The following DMRTB1 variants were observed in gnomAD, a reference collection of about 807,000 sequenced individuals.
DMRTB1 encodes doublesex- and mab-3-related transcription factor B1.
In DMRTB1, 9 loss-of-function variants were observed where a neutral mutation model predicts 25.2. The observed-to-expected ratio is 0.36, with a 90% CI of 0.22 to 0.62. DMRTB1 has a LOEUF of 0.62. Ranked by LOEUF, DMRTB1 falls within the 20% of genes least tolerant of loss-of-function variation. The probability of loss-of-function intolerance (pLI) is 0.71; values close to 1 mark genes in which losing one functional copy is unlikely to be tolerated. For synonymous variants in DMRTB1, 269 were observed against 238.1 expected, an observed-to-expected ratio of 1.13 and a Z score of -1.20; for missense variants, 551 against 499.3, an observed-to-expected ratio of 1.10 and a Z score of -0.99.
At chr1:53,462,789 T>C (rs1050053727) in intron 2 of DMRTB1, among the ~76,000 whole-genome samples, 5 of 152,114 alleles carry the variant, frequency 3.3e-5, no homozygotes, top group African/African-American at 1.2e-4. Context: ...CCACTGCCCT[T>C]CCCTCCCTCC....
Position 53,459,527 on chromosome 1 carries a change from G to T in DMRTB1, c.74G>T (p.Gly25Val). Reference sequence around the variant, plus strand: ...CATGGCTTCCTGGTGCCCGTCAAGGGACACGCGGGCAAATGCCGCTGGAAG... The same window carrying T: ...CATGGCTTCCTGGTGCCCGTCAAGGTACACGCGGGCAAATGCCGCTGGAAG... ...RNHGFLVPVK[G>V]HAGKCRWKQC... Residue 25 changes from glycine to valine, a missense_variant, in exon 1 of 4, where the codon GGA (glycine) becomes GTA (valine). Physicochemically the swap from Gly to Val is moderately radical, Grantham distance 109 (BLOSUM62 -3). Coordinates refer to ENST00000371445, the MANE Select transcript of DMRTB1 (RefSeq NM_033067.3). 1 of 1,613,136 alleles carries T rather than the reference G, an allele frequency of 6.2e-7. No homozygotes were observed. Among genetic ancestry groups the T allele is most frequent in the Non-Finnish European group, 8.5e-7 (1 of 1,179,976 alleles).
At chr1:53,462,120 C>A (rs947232764) in intron 2 of DMRTB1, among the ~76,000 whole-genome samples, 1 of 152,290 alleles carries the variant, frequency 6.6e-6, no homozygotes. Context: ...AATACGGAAA[C>A]CTTCCCCCAA....
intron 2 of DMRTB1, 148 bp from the exon 3 acceptor site, chr1:53,464,489 C>A: frequency 8.0e-7 from 1 of 1,249,148 alleles, no homozygotes; most frequent in South Asian, 1.2e-5. Context: ...TGCTGAATGC[C>A]CCCTTCCAAA....
chr1:53,463,753 T>C (rs1199741203), intron 2 of DMRTB1, among the ~76,000 whole-genome samples: 1 of 152,152 alleles, frequency 6.6e-6, no homozygotes, highest in African/African-American at 2.4e-5. Context: ...AAAAATACTT[T>C]GTAGGACACC....
chr1:53,464,951 G>A, intron 3 of DMRTB1, 104 bp downstream of exon 3: 1 of 1,485,336 alleles, frequency 6.7e-7, no homozygotes, highest in Admixed American at 1.7e-5. Flanking sequence ...GAAGGGACAT[G>A]GAATTTAAAG....
At position 53,459,620 on chromosome 1, in the gene DMRTB1, T is replaced by G. The variant is rs768540318; in HGVS notation, c.167T>G (p.Leu56Arg). The G allele has an allele frequency of 1.0e-5, 16 of 1,576,446 alleles. No individual in the cohort carries two copies. The highest frequency in any genetic ancestry group is 1.4e-5 in the Non-Finnish European group (16 of 1,161,772). The change falls in exon 1 of 4, where the codon CTC becomes CGC. Residue 56 changes from leucine to arginine, a missense_variant. By Grantham distance (102) the Leu-to-Arg change is moderately radical (BLOSUM62 -2). Transcript: ENST00000371445. ...AAGATCATGGCCGCGCAGAAGGTGC[T>G]CAAGACGCAGGCCGCCGAGGAGGAG... ...RQKIMAAQKV[L>R]KTQAAEEEQE... is the part of the protein sequence containing the mutation.
At position 53,459,591 on chromosome 1, in the gene DMRTB1, C is replaced by G; in HGVS notation, c.138C>G (p.Arg46=). 6.2e-7 allele frequency: 1 copy of G among 1,600,256 alleles called. No individual in the cohort carries two copies. Among genetic ancestry groups the G allele is most frequent in the Non-Finnish European group, 8.5e-7 (1 of 1,173,768 alleles). ...LCEKCYLISE[R]QKIMAAQKVL... is the part of the protein sequence containing the mutation. ...AGAAGTGCTACCTGATCTCCGAGCG[C>G]CAGAAGATCATGGCCGCGCAGAAGG... Residue 46 remains arginine (R), a synonymous_variant, in exon 1 of 4, where the codon CGC becomes CGG. Coordinates refer to ENST00000371445, the MANE Select transcript of DMRTB1 (RefSeq NM_033067.3).
Position 53,459,807 on chromosome 1 carries a change from C to T in DMRTB1, c.354C>T (p.Cys118=), listed in dbSNP as rs1400262935. ...GACCCGAGGGCCGCGCGGCCGCTTG[C>T]TTCTTCGAGCAGCCCCCGCGGGGCC... The part of the protein sequence containing the change: ...DPGPEGRAAA[C]FFEQPPRGRN... The change falls in exon 1 of 4, where the codon TGC becomes TGT. Residue 118 remains cysteine (C), a synonymous_variant. Transcript: ENST00000371445. 4 of 1,430,838 alleles carry T rather than the reference C, an allele frequency of 2.8e-6. No individual in the cohort carries two copies. In the African/African-American group the frequency reaches 6.1e-5, roughly 22 times the overall value. 88.6% of individuals were successfully genotyped at this position (1,430,838 alleles called of 1,614,324 possible). A position where few individuals can be genotyped will look rare whatever the true frequency, so the allele number is the denominator to read the frequency against.
intron 1 of DMRTB1, 85 bp downstream of exon 1, chr1:53,460,115 G>C (rs1318786669): frequency 2.5e-5 from 35 of 1,422,198 alleles, no homozygotes; most frequent in Non-Finnish European, 2.9e-5. Context: ...TAGGGGTTCG[G>C]GGTGGAGAGA....
Position 53,459,790 on chromosome 1 carries a change from G to C in DMRTB1, c.337G>C (p.Gly113Arg). ...PSGDADPGPE[G>R]RAAACFFEQP... ...CGGAGACGCCGACCCGGGACCCGAG[G>C]GCCGCGCGGCCGCTTGCTTCTTCGA... Residue 113 changes from glycine (G) to arginine (R), a missense_variant, in exon 1 of 4, where the codon GGC becomes CGC. Transcript: ENST00000371445. The C allele has an allele frequency of 1.4e-6, 2 of 1,402,148 alleles. No individual in the cohort carries two copies. Among genetic ancestry groups the C allele is most frequent in the Non-Finnish European group, 1.8e-6 (2 of 1,082,392 alleles). The allele number at this position is 1,402,148 out of a possible 1,614,324, so 86.9% of individuals were successfully genotyped here. A position where few individuals can be genotyped will look rare whatever the true frequency, so the allele number is the denominator to read the frequency against.
Position 53,466,905 on chromosome 1 carries a change from G to A in DMRTB1, c.*243G>A, listed in dbSNP as rs771763316. 8.5e-5 allele frequency: 44 copies of A among 517,356 alleles called. No individual in the cohort carries two copies. Among genetic ancestry groups the A allele is most frequent in the Non-Finnish European group, 1.4e-4 (40 of 294,892 alleles). 32.0% of individuals were successfully genotyped at this position (517,356 alleles called of 1,614,324 possible). A position where few individuals can be genotyped will look rare whatever the true frequency, so the allele number is the denominator to read the frequency against. ...AGGGCCAGGGCTCTGAGGAGTGGGC[G>A]CTGGGAGAAGCTCCCATTTAGGAAT... On this transcript the variant is annotated 3_prime_UTR_variant, in exon 4 of 4. Coordinates refer to ENST00000371445, the MANE Select transcript of DMRTB1 (RefSeq NM_033067.3).
intron 2 of DMRTB1, among the ~76,000 whole-genome samples, chr1:53,463,820 G>A (rs552092229): frequency 1.3e-5 from 2 of 152,334 alleles, no homozygotes; most frequent in East Asian, 3.9e-4. Flanking sequence ...GGATAGAGAA[G>A]TGAATGACAG....
chr1:53,464,964 T>C (rs1030267116), intron 3 of DMRTB1, 117 bp downstream of exon 3: 12 of 1,408,696 alleles, frequency 8.5e-6, no homozygotes, highest in Admixed American at 1.7e-5. Flanking sequence ...ATTTAAAGGG[T>C]GTTGAGCCCT....
chr1:53,463,026 A>T (rs1296641224), intron 2 of DMRTB1, among the ~76,000 whole-genome samples: 2 of 152,218 alleles, frequency 1.3e-5, no homozygotes, highest in Admixed American at 6.5e-5. Context: ...TAAGAGTGTG[A>T]TCTCAGTCGG....
Position 53,461,662 on chromosome 1 carries a change from A to G in DMRTB1, c.750+17A>G. The G allele has an allele frequency of 6.5e-7, 1 of 1,529,516 alleles. No homozygotes were observed. The highest frequency in any genetic ancestry group is 8.8e-7 in the Non-Finnish European group (1 of 1,138,296). The allele number at this position is 1,529,516 out of a possible 1,614,324, so 94.7% of individuals were successfully genotyped here. A position where few individuals can be genotyped will look rare whatever the true frequency, so the allele number is the denominator to read the frequency against. On this transcript the variant is annotated intron_variant, in intron 2 of 3. Coordinates refer to ENST00000371445, the MANE Select transcript of DMRTB1 (RefSeq NM_033067.3). The stretch of plus-strand genomic sequence containing the variant: ...GGAGGCTTGGTGAGTCCCACCCCTC[A>G]CTTCTTGCCAGCTTCCTCCACCCAG...
chr1:53,460,134 C>T, intron 1 of DMRTB1, 104 bp downstream of exon 1: 2 of 1,383,088 alleles, frequency 1.4e-6, no homozygotes, highest in Non-Finnish European at 1.9e-6. Context: ...GAAGTTTTTC[C>T]ACGGGTAACG....
At position 53,459,670 on chromosome 1, in the gene DMRTB1, G is replaced by C; in HGVS notation, c.217G>C (p.Gly73Arg). 6.5e-7 allele frequency: 1 copy of C among 1,544,066 alleles called. No individual in the cohort carries two copies. The highest frequency in any genetic ancestry group is 8.7e-7 in the Non-Finnish European group (1 of 1,144,588). Residue 73 changes from glycine to arginine, a missense_variant, in exon 1 of 4, where the codon GGG becomes CGG. Transcript: ENST00000371445. ...GCAGGAGGCGGCCCTGTGTGCGCAG[G>C]GGCCCAAGCAGGCCTCCGGGGCTGC... The part of the protein sequence containing the change: ...EEQEAALCAQ[G>R]PKQASGAAAA...
chr1:53,464,221 G>A (rs1024453207), intron 2 of DMRTB1, among the ~76,000 whole-genome samples: 1 of 152,182 alleles, frequency 6.6e-6, no homozygotes, highest in African/African-American at 2.4e-5. Flanking sequence ...TATGGAGTCA[G>A]CCAACTTGGG....
chr1:53,464,595 A>C (rs1569653208), intron 2 of DMRTB1, 42 bp from the exon 3 acceptor site: 1 of 1,610,854 alleles, frequency 6.2e-7, no homozygotes, highest in East Asian at 2.2e-5. Context: ...CATCTGGCTA[A>C]CTCTCTCTCC....
Sources: gnomAD v4.1 joint callset for allele counts (sites outside exome capture counted in the v4.1 genomes callset) on GRCh38, gnomAD v4.1.1 for gene constraint, MANE v1.5 for transcripts, NCBI Gene and HGNC (gene_info 2026-07-23, HGNC 2026-07-21) for gene names.